Variants in RBFOX1 observed in about 807,000 individuals in gnomAD.
RBFOX1 encodes the protein RNA binding protein fox-1 homolog 1.
Under a neutral mutation model 57.7 loss-of-function variants are expected in RBFOX1, and 8 were observed. The ratio of observed to expected loss-of-function variants is 0.14; its 90% CI spans 0.08 to 0.25. RBFOX1 has a LOEUF of 0.25. Ranked by LOEUF, RBFOX1 falls within the 10% of genes least tolerant of loss-of-function variation. RBFOX1 has a pLI of 1.00. For missense variants in RBFOX1, 611 were observed against 548.5 expected (o/e 1.11, Z -1.14); for synonymous variants, 326 against 222.4 (o/e 1.47, Z -4.15).
Position 7,710,484 on chromosome 16 carries a change from A to G in RBFOX1, c.1072-139A>G, listed in dbSNP as rs547199901. On this transcript the variant is annotated intron_variant, in intron 15 of 15. Transcript: ENST00000550418. Reference sequence around the variant, plus strand: ...GAATGGCCCTATCTTTAGTTCTCCAAGAATGACCTGGGATGGGTAGGGGGT... The same window carrying G: ...GAATGGCCCTATCTTTAGTTCTCCAGGAATGACCTGGGATGGGTAGGGGGT... The G allele has an allele frequency of 9.8e-6, 15 of 1,531,790 alleles. No individual in the cohort carries two copies. The South Asian group carries it at 1.6e-4, about 16-fold the overall frequency. The allele number at this position is 1,531,790 out of a possible 1,614,324, so 94.9% of individuals were successfully genotyped here.
chr16:6,914,666 G>C (rs556907969), intron 3 of RBFOX1, among the ~76,000 whole-genome samples: 2 of 152,222 alleles, frequency 1.3e-5, no homozygotes, highest in East Asian at 3.9e-4. Flanking sequence ...TTGAGGCCAC[G>C]AGTTCAAGAT....
intron 3 of RBFOX1, among the ~76,000 whole-genome samples, chr16:6,715,814 A>G (rs771194038): frequency 1.3e-5 from 2 of 152,206 alleles, no homozygotes; most frequent in Non-Finnish European, 2.9e-5. Flanking sequence ...GGAAAATAAA[A>G]TATTGTGTTT....
At chr16:5,702,174 A>G (rs1270310581) in intron 3 of RBFOX1, among the ~76,000 whole-genome samples, 2 of 152,200 alleles carry the variant, frequency 1.3e-5, no homozygotes, top group African/African-American at 2.4e-5. Context: ...AAGAGGTTTC[A>G]TTGACTCAGT....
chr16:6,891,166 A>G (rs564058692), intron 3 of RBFOX1, among the ~76,000 whole-genome samples: 2 of 152,220 alleles, frequency 1.3e-5, no homozygotes, highest in South Asian at 4.1e-4. Context: ...TACAGGTGCC[A>G]ATGCATCCAT....
At chr16:6,230,940 T>G (rs536101590) in intron 1 of RBFOX1, among the ~76,000 whole-genome samples, 24 of 152,286 alleles carry the variant, frequency 1.6e-4, no homozygotes, top group African/African-American at 5.8e-4. Flanking sequence ...ATGAAGTAGA[T>G]GTAGCCCTCT....
intron 2 of RBFOX1, among the ~76,000 whole-genome samples, chr16:6,644,606 C>G (rs2098518566): frequency 1.3e-5 from 2 of 152,138 alleles, no homozygotes; most frequent in Non-Finnish European, 1.5e-5. Flanking sequence ...AATGCTGTGC[C>G]CAGGATATGT....
In RBFOX1 at chr16:5,536,228, C is replaced by CTTTT. The variant is rs57061495; in HGVS notation, c.259-62651_259-62648dup. ...AGTGCTTTGCTTGGAAATCTCCTGTCTTTTTTTTTTTTTTTTTTTTTTTTT... is the reference window on the plus strand; with the variant it reads ...AGTGCTTTGCTTGGAAATCTCCTGTCTTTTTTTTTTTTTTTTTTTTTTTTTTTTT... On this transcript the variant is annotated intron_variant, in intron 2 of 2. Transcript: ENST00000585867. 9.7e-5 allele frequency among the ~76,000 whole-genome samples: 10 copies of CTTTT among 103,534 alleles called. 2 individuals are homozygous for CTTTT. Among genetic ancestry groups the CTTTT allele is most frequent in the Non-Finnish European group, 1.7e-4 (9 of 53,654 alleles). 67.9% of individuals were successfully genotyped at this position (103,534 alleles called of 152,430 possible).
intron 2 of RBFOX1, among the ~76,000 whole-genome samples, chr16:6,347,043 C>A (rs1458815952): frequency 2.6e-5 from 4 of 152,064 alleles, no homozygotes; most frequent in Admixed American, 6.6e-5. Flanking sequence ...AATAGATGGA[C>A]AGAGCAAGGC....
intron 1 of RBFOX1, among the ~76,000 whole-genome samples, chr16:6,286,369 T>TA (rs34371647): frequency 0.24 from 36,373 of 152,144 alleles, 6,050 homozygotes; most frequent in African/African-American, 0.47. Context: ...TGAGAACTTT[T>TA]AAAATCACAG....
chr16:7,055,226 T>C (rs2051729828), intron 4 of RBFOX1, among the ~76,000 whole-genome samples: 1 of 152,214 alleles, frequency 6.6e-6, no homozygotes, highest in Admixed American at 6.5e-5. Context: ...ATACAACGTT[T>C]TTCTAACTCA....
At chr16:7,705,645 T>G (rs929806394) in intron 14 of RBFOX1, among the ~76,000 whole-genome samples, 1 of 152,002 alleles carries the variant, frequency 6.6e-6, no homozygotes, top group Non-Finnish European at 1.5e-5. Flanking sequence ...TATTGAAGGG[T>G]TTTAAGCGGG....
intron 4 of RBFOX1, among the ~76,000 whole-genome samples, chr16:7,501,060 A>G (rs2070660514): frequency 1.3e-5 from 2 of 152,198 alleles, no homozygotes; most frequent in African/African-American, 4.8e-5. Context: ...CTCTCCAGCC[A>G]GGCTGAACTG....
intron 2 of RBFOX1, chr16:6,483,907 G>GTA (rs2095417440): frequency 1.1e-5 from 13 of 1,136,296 alleles, no homozygotes; most frequent in Non-Finnish European, 1.4e-5. Flanking sequence ...GCGCGTGAAT[G>GTA]GGACGCGGTA....
rs187689760 is a variant in RBFOX1 at position 5,743,353 on chromosome 16, G to A, written c.319-123950G>A. On this transcript the variant is annotated intron_variant, in intron 3 of 19. Coordinates refer to the RBFOX1 transcript ENST00000641259. ...TCAAATGTCATTACAGGAAGTGTCA[G>A]CTAGAATCAGACATATCAGAGTTCT... is the stretch of plus-strand genomic sequence containing the variant. Among the ~76,000 whole-genome samples the A allele has an allele frequency of 1.8e-3, 274 of 152,258 alleles. 2 individuals carry two copies. The highest frequency in any genetic ancestry group is 6.5e-3 in the African/African-American group (270 of 41,554).
chr16:6,693,498 T>C (rs1603430820), intron 3 of RBFOX1, among the ~76,000 whole-genome samples: 1 of 150,730 alleles, frequency 6.6e-6, no homozygotes, highest in Non-Finnish European at 1.5e-5. Context: ...ATCACCACCA[T>C]CATCATCATC....
chr16:7,083,965 A>G (rs2059594433), intron 4 of RBFOX1, among the ~76,000 whole-genome samples: 2 of 151,982 alleles, frequency 1.3e-5, no homozygotes, highest in South Asian at 4.2e-4. Flanking sequence ...TGGGACCCAG[A>G]GCTGTTTGCC....
At chr16:6,201,267 T>C (rs1240022783) in intron 1 of RBFOX1, among the ~76,000 whole-genome samples, 1 of 152,150 alleles carries the variant, frequency 6.6e-6, no homozygotes, top group East Asian at 1.9e-4. Context: ...GCAATGAACA[T>C]AGAGGTGCAG....
chr16:6,068,708 G>T (rs539366639), intron 1 of RBFOX1, among the ~76,000 whole-genome samples: 113 of 152,290 alleles, frequency 7.4e-4, no homozygotes, highest in African/African-American at 2.6e-3. Context: ...TAGATGAGAA[G>T]TTAATCACTT....
Position 7,116,885 on chromosome 16 carries a change from A to T in RBFOX1, c.27+64787A>T, listed in dbSNP as rs180968421. 1.9e-3 allele frequency among the ~76,000 whole-genome samples: 287 copies of T among 152,226 alleles called. 1 individual carries two copies. Among genetic ancestry groups the T allele is most frequent in the Admixed American group, 3.1e-3 (47 of 15,288 alleles). On this transcript the variant is annotated intron_variant, in intron 4 of 15. Transcript: ENST00000550418. Reference sequence around the variant, plus strand: ...CGTGGGAGTCATCAACACAAGATTTAAATAATGTGTCATGTGTGCTAGGGA... The same window carrying T: ...CGTGGGAGTCATCAACACAAGATTTTAATAATGTGTCATGTGTGCTAGGGA...
Sources: allele counts gnomAD v4.1 joint callset (sites outside exome capture counted in the v4.1 genomes callset), GRCh38; gene constraint gnomAD v4.1.1; transcripts MANE v1.5; gene names NCBI Gene and HGNC (gene_info 2026-07-23, HGNC 2026-07-21).